The following UNC5D variants were observed in gnomAD, a reference collection of about 807,000 sequenced individuals.
UNC5D encodes netrin receptor UNC5D.
In UNC5D, 39 loss-of-function variants were observed where a neutral mutation model predicts 105.4. The ratio of observed to expected loss-of-function variants is 0.37; its 90% confidence interval spans 0.29 to 0.48. UNC5D has a LOEUF of 0.48. Ranked by LOEUF, UNC5D falls within the 20% of genes least tolerant of loss-of-function variation. UNC5D has a pLI of 0.98. For missense variants in UNC5D, 991 were observed against 1,202.4 expected, an observed-to-expected ratio of 0.82 and a Z score of 2.60; for synonymous variants, 452 against 450.4, an observed-to-expected ratio of 1.00 and a Z score of -0.04.
At chr8:35,357,955 A>T (rs1563341143) in intron 1 of UNC5D, among the ~76,000 whole-genome samples, 1 of 152,090 alleles carries the variant, frequency 6.6e-6, no homozygotes, top group Non-Finnish European at 1.5e-5. Context: ...AGCAGGTAAG[A>T]TTCCCATATG....
intron 2 of UNC5D, among the ~76,000 whole-genome samples, chr8:35,553,760 T>TG (rs1299048080): frequency 2.0e-4 from 31 of 152,128 alleles, no homozygotes; most frequent in Admixed American, 2.0e-3. Context: ...CCTCAGGTAT[T>TG]GAAAAATAGA....
chr8:35,611,199 G>A (rs1057440771), intron 4 of UNC5D, among the ~76,000 whole-genome samples: 7 of 152,000 alleles, frequency 4.6e-5, no homozygotes, highest in East Asian at 1.9e-4. Flanking sequence ...GAAAATTCTT[G>A]TAATGTCTAA....
At chr8:35,781,270 G>A (rs983301669) in intron 16 of UNC5D, among the ~76,000 whole-genome samples, 9 of 152,274 alleles carry the variant, frequency 5.9e-5, no homozygotes, top group Middle Eastern at 6.8e-3. Context: ...TCTGGGACAC[G>A]TTTAGCCATG....
At chr8:35,249,510 A>T (rs1325873369) in intron 1 of UNC5D, among the ~76,000 whole-genome samples, 1 of 150,780 alleles carries the variant, frequency 6.6e-6, no homozygotes, top group African/African-American at 2.4e-5. Flanking sequence ...GTGAACCGAG[A>T]TTGCACCACT....
rs1585382472 is a variant in UNC5D, at chr8:35,235,823, G to A, written c.39G>A (p.Gly13=). The A allele has an allele frequency of 8.1e-7, 1 of 1,230,270 alleles. No homozygotes were observed. Among genetic ancestry groups the A allele is most frequent in the African/African-American group, 1.6e-5 (1 of 64,404 alleles). 76.2% of individuals were successfully genotyped at this position (1,230,270 alleles called of 1,614,324 possible). A position where few individuals can be genotyped will look rare whatever the true frequency, so the allele number is the denominator to read the frequency against. The part of the protein sequence containing the change: ...RAAATAGGGG[G]ARRWLPWLGL... ...CGGCCACCGCAGGCGGCGGCGGAGG[G>A]GCGCGCCGCTGGCTCCCGTGGCTGG... Residue 13 remains glycine, a synonymous_variant, in exon 1 of 17, where the codon GGG becomes GGA. Coordinates refer to ENST00000404895, the MANE Select transcript of UNC5D (RefSeq NM_080872.4).
At chr8:35,722,540 C>T (rs912318016) in intron 9 of UNC5D, 145 bp downstream of exon 9, 27 of 1,060,192 alleles carry the variant, frequency 2.5e-5, no homozygotes, top group South Asian at 1.1e-4. Context: ...ATGAACAGAC[C>T]GGGCTGGGTG....
At chr8:35,558,285 A>G (rs1816700997) in intron 2 of UNC5D, among the ~76,000 whole-genome samples, 1 of 152,094 alleles carries the variant, frequency 6.6e-6, no homozygotes, top group African/African-American at 2.4e-5. Context: ...CATGTCATAA[A>G]ACTTATGACA....
At chr8:35,350,219 A>G (rs1812125514) in intron 1 of UNC5D, among the ~76,000 whole-genome samples, 1 of 151,964 alleles carries the variant, frequency 6.6e-6, no homozygotes, top group Admixed American at 6.6e-5. Context: ...TAACAGAAAA[A>G]TATTTGGAAA....
intron 3 of UNC5D, among the ~76,000 whole-genome samples, chr8:35,569,772 A>T (rs1817597322): frequency 6.6e-6 from 1 of 152,230 alleles, no homozygotes; most frequent in African/African-American, 2.4e-5. Context: ...CAATCAGGCC[A>T]GCCAGGGCAT....
At chr8:35,415,831 T>G (rs1805493246) in intron 1 of UNC5D, among the ~76,000 whole-genome samples, 1 of 152,152 alleles carries the variant, frequency 6.6e-6, no homozygotes, top group African/African-American at 2.4e-5. Context: ...TACATAAAAT[T>G]TGTAATTATT....
intron 1 of UNC5D, among the ~76,000 whole-genome samples, chr8:35,429,334 TG>T (rs1359508232): frequency 6.6e-6 from 1 of 152,132 alleles, no homozygotes; most frequent in African/African-American, 2.4e-5. Flanking sequence ...ATTTTCTCCA[TG>T]AAACCTGTTT....
intron 3 of UNC5D, among the ~76,000 whole-genome samples, chr8:35,585,543 T>C (rs1392778900): frequency 6.6e-6 from 1 of 151,902 alleles, no homozygotes; most frequent in Non-Finnish European, 1.5e-5. Context: ...TGTGTGTGTG[T>C]GTGTGTGTGT....
At chr8:35,599,685 G>A (rs1043552160) in intron 4 of UNC5D, among the ~76,000 whole-genome samples, 1 of 152,094 alleles carries the variant, frequency 6.6e-6, no homozygotes, top group Non-Finnish European at 1.5e-5. Flanking sequence ...TTTCTCTCAT[G>A]ATTGGGTACT....
intron 1 of UNC5D, among the ~76,000 whole-genome samples, chr8:35,535,537 A>G (rs1219604415): frequency 6.6e-6 from 1 of 151,892 alleles, no homozygotes; most frequent in Non-Finnish European, 1.5e-5. Context: ...GCTCTTTACC[A>G]AACACACTAC....
At chr8:35,525,740 G>C in intron 1 of UNC5D, 1 of 1,571,310 alleles carries the variant, frequency 6.4e-7, no homozygotes, top group Non-Finnish European at 8.6e-7. Context: ...CAACGCTGAA[G>C]TACTCGCCCG....
intron 4 of UNC5D, among the ~76,000 whole-genome samples, chr8:35,624,886 T>C (rs2131046805): frequency 6.6e-6 from 1 of 152,340 alleles, no homozygotes; most frequent in African/African-American, 2.4e-5. Context: ...TGTGACTACA[T>C]AAACCTACTT....
At chr8:35,461,356 TCTTA>T (rs1379683413) in intron 1 of UNC5D, among the ~76,000 whole-genome samples, 12 of 152,168 alleles carry the variant, frequency 7.9e-5, no homozygotes, top group Admixed American at 2.0e-4. Context: ...GTTCGGAATC[TCTTA>T]CTTCTATGCT....
At chr8:35,320,501 A>C (rs1809656767) in intron 1 of UNC5D, among the ~76,000 whole-genome samples, 1 of 152,124 alleles carries the variant, frequency 6.6e-6, no homozygotes, top group African/African-American at 2.4e-5. Flanking sequence ...ATCTCTACAG[A>C]ATGTGGATTT....
intron 1 of UNC5D, among the ~76,000 whole-genome samples, chr8:35,237,422 T>C (rs113405799): frequency 6.6e-6 from 1 of 152,208 alleles, no homozygotes; most frequent in Non-Finnish European, 1.5e-5. Context: ...TTTCTAAATG[T>C]TAATCTAAAT....
Sources: gnomAD v4.1 joint callset for allele counts (sites outside exome capture counted in the v4.1 genomes callset) on GRCh38, gnomAD v4.1.1 for gene constraint, MANE v1.5 for transcripts, NCBI Gene and HGNC (gene_info 2026-07-23, HGNC 2026-07-21) for gene names.